The following SYNPO variants were observed in gnomAD, a reference collection of about 807,000 sequenced individuals.
The protein encoded by SYNPO is synaptopodin.
SYNPO carries 19 observed loss-of-function variants against 49.5 expected under a neutral mutation model. The ratio of observed to expected loss-of-function variants is 0.38; its 90% CI spans 0.27 to 0.56. The LOEUF is 0.56. Among genes scored for constraint, SYNPO ranks in the 20% least tolerant of loss-of-function variants. The probability of loss-of-function intolerance (pLI) is 0.68; values close to 1 mark genes in which losing one functional copy is unlikely to be tolerated. For missense variants in SYNPO, 1,131 were observed against 1,248.3 expected, an observed-to-expected ratio of 0.91 and a Z score of 1.42; for synonymous variants, 536 against 548.0, an observed-to-expected ratio of 0.98 and a Z score of 0.31.
At chr5:150,650,816 G>T in intron 2 of SYNPO, 1 of 1,280,960 alleles carries the variant, frequency 7.8e-7, no homozygotes, top group Non-Finnish European at 9.9e-7. Context: ...AGCTCCTGGC[G>T]TCTTTCTTCC....
At chr5:150,647,179 G>A (rs1758129039) in intron 1 of SYNPO, among the ~76,000 whole-genome samples, 1 of 151,804 alleles carries the variant, frequency 6.6e-6, no homozygotes, top group Non-Finnish European at 1.5e-5. Flanking sequence ...GGAGGCGGAG[G>A]TTGCAGTGAG....
intron 2 of SYNPO, chr5:150,652,533 G>T: frequency 2.1e-6 from 1 of 479,766 alleles, no homozygotes; most frequent in Non-Finnish European, 2.7e-6. Context: ...TGGAAATGAG[G>T]GCTTCCTCTC....
intron 2 of SYNPO, chr5:150,650,514 T>C (rs915344658): frequency 1.1e-4 from 170 of 1,478,766 alleles, no homozygotes; most frequent in Non-Finnish European, 1.4e-4. Flanking sequence ...CTCTCTGAGC[T>C]GAAGCCGCCC....
upstream of SYNPO, among the ~76,000 whole-genome samples, chr5:150,636,134 G>A (rs1436713335): frequency 6.6e-6 from 1 of 152,130 alleles, no homozygotes; most frequent in East Asian, 1.9e-4. Flanking sequence ...CCTGTGAACG[G>A]TGCCTGGCCC....
intron 2 of SYNPO, chr5:150,624,701 C>T (rs1757292168): frequency 5.2e-6 from 2 of 388,186 alleles, no homozygotes; most frequent in African/African-American, 2.2e-5. Flanking sequence ...GCCCGCCCAG[C>T]GCTCCCGGCT....
intron 1 of SYNPO, among the ~76,000 whole-genome samples, chr5:150,612,708 CACCTG>C (rs1448236759): frequency 3.9e-5 from 6 of 152,346 alleles, no homozygotes; most frequent in Non-Finnish European, 7.3e-5. Context: ...GTCTGAATAG[CACCTG>C]ACAGAGTAAA....
chr5:150,603,239 G>A (rs1756598859), intron 1 of SYNPO, among the ~76,000 whole-genome samples: 1 of 152,252 alleles, frequency 6.6e-6, no homozygotes, highest in Non-Finnish European at 1.5e-5. Context: ...GGATGGGTGG[G>A]TAGGCGAGAG....
intron 1 of SYNPO, among the ~76,000 whole-genome samples, chr5:150,643,769 G>A (rs1315051196): frequency 2.0e-5 from 3 of 152,164 alleles, no homozygotes; most frequent in Admixed American, 6.5e-5. Flanking sequence ...TCCTGACCTC[G>A]TGATCCACCT....
chr5:150,652,654 C>G (rs1373844863), intron 2 of SYNPO: 3 of 153,062 alleles, frequency 2.0e-5, no homozygotes, highest in African/African-American at 7.2e-5. Flanking sequence ...AATGCACTAC[C>G]TCTTCTCGTT....
In SYNPO at chr5:150,648,388, C is replaced by CAGCCAA; in HGVS notation, c.114_119dup (p.Ala39_Asn40insLysAla). ...CTAAAGGAGAATGCAGCACTGCTGA[C>CAGCCAA]AGCCAATGGGCTGCACCTGTCCCAA... On this transcript the variant is annotated inframe_insertion, in exon 2 of 3. Transcript: ENST00000307662. This position sits in a 1 kb window ranked among gnomAD's most constrained non-coding sequence, Gnocchi z 5.0. 1 of 1,614,212 alleles carries CAGCCAA rather than the reference C, an allele frequency of 6.2e-7. No homozygotes were observed. Among genetic ancestry groups the CAGCCAA allele is most frequent in the Non-Finnish European group, 8.5e-7 (1 of 1,180,034 alleles).
chr5:150,611,418 TA>T (rs777626588), intron 1 of SYNPO, among the ~76,000 whole-genome samples: 33 of 152,340 alleles, frequency 2.2e-4, no homozygotes, highest in African/African-American at 4.3e-4. Flanking sequence ...CATCTGAAGT[TA>T]CCCACTATTC....
At chr5:150,637,726 TTTGAG>T (rs1233717379), upstream of SYNPO, among the ~76,000 whole-genome samples, 8 of 152,220 alleles carry the variant, frequency 5.3e-5, no homozygotes, top group Admixed American at 5.2e-4. Flanking sequence ...GCGTTTTTTC[TTTGAG>T]TTATTTATTT....
At chr5:150,653,832 G>A (rs761896367) in intron 2 of SYNPO, 6 of 152,236 alleles carry the variant, frequency 3.9e-5, no homozygotes, top group East Asian at 1.9e-4. Context: ...TCAGCTTGAT[G>A]ACTGGGAGCT....
the SYNPO span, among the ~76,000 whole-genome samples, chr5:150,590,924 AGG>A: frequency 1.3e-5 from 2 of 152,158 alleles, no homozygotes; most frequent in Non-Finnish European, 2.9e-5. Context: ...TGGTCTAAGA[AGG>A]GACTGGGGCC....
intron 1 of SYNPO, among the ~76,000 whole-genome samples, chr5:150,609,584 C>CCCAAA (rs1756787763): frequency 6.6e-6 from 1 of 152,278 alleles, no homozygotes; most frequent in Non-Finnish European, 1.5e-5. Context: ...CGTGAGCCAT[C>CCCAAA]ATGCCTGGCT....
Position 150,656,817 on chromosome 5 carries a change from T to G in SYNPO, c.2442T>G (p.Ala814=), listed in dbSNP as rs1399600966. 1.4e-6 allele frequency: 2 copies of G among 1,430,316 alleles called. No homozygotes were observed. Among genetic ancestry groups the G allele is most frequent in the Non-Finnish European group, 1.8e-6 (2 of 1,085,788 alleles). 88.6% of individuals were successfully genotyped at this position (1,430,316 alleles called of 1,614,324 possible). The change falls in exon 3 of 3, where the codon GCT becomes GCG. Residue 814 remains alanine (A), a synonymous_variant. Coordinates refer to ENST00000307662, the MANE Select transcript of SYNPO (RefSeq NM_007286.6). The part of the protein sequence containing the change: ...SPQPARPGSA[A]VPGAAFAPIP... Reference sequence around the variant, plus strand: ...AGCCCGCCCGCCCCGGCTCGGCTGCTGTGCCGGGGGCAGCCTTCGCGCCCA... The same window carrying G: ...AGCCCGCCCGCCCCGGCTCGGCTGCGGTGCCGGGGGCAGCCTTCGCGCCCA...
chr5:150,637,554 A>G (rs1291275870), upstream of SYNPO, among the ~76,000 whole-genome samples: 1 of 152,220 alleles, frequency 6.6e-6, no homozygotes, highest in Non-Finnish European at 1.5e-5. Flanking sequence ...CTTCTTTGGC[A>G]GCTGTGAGCG....
At chr5:150,593,730 G>A in the SYNPO span, among the ~76,000 whole-genome samples, 2 of 152,200 alleles carry the variant, frequency 1.3e-5, no homozygotes, top group African/African-American at 4.8e-5. Flanking sequence ...AAAGTTCTGG[G>A]ATTACAGGCA....
At chr5:150,637,414 C>G (rs2151395676), upstream of SYNPO, among the ~76,000 whole-genome samples, 1 of 152,344 alleles carries the variant, frequency 6.6e-6, no homozygotes, top group Non-Finnish European at 1.5e-5. Context: ...AATGATAACA[C>G]TGAAACCGAA....
Sources: allele counts gnomAD v4.1 joint callset (sites outside exome capture counted in the v4.1 genomes callset), GRCh38; gene constraint gnomAD v4.1.1; non-coding constraint Gnocchi (gnomAD v3.1); transcripts MANE v1.5; gene names NCBI Gene and HGNC (gene_info 2026-07-23, HGNC 2026-07-21).